RBM38: variants seen among roughly 807,000 people sequenced by gnomAD.
RBM38 encodes the protein RNA-binding protein 38.
RBM38 carries 11 observed loss-of-function variants against 23.5 expected under a neutral mutation model. The observed-to-expected ratio is 0.47, with a 90% confidence interval of 0.29 to 0.77. RBM38 has a LOEUF of 0.77. Among genes scored for constraint, RBM38 ranks in the 30% least tolerant of loss-of-function variants. The probability of loss-of-function intolerance (pLI) is 0.08; values close to 1 mark genes in which losing one functional copy is unlikely to be tolerated. For missense variants in RBM38, 330 were observed against 351.9 expected, an observed-to-expected ratio of 0.94 and a Z score of 0.50; for synonymous variants, 165 against 166.1, an observed-to-expected ratio of 0.99 and a Z score of 0.05.
rs1219143452 is a variant in RBM38 at position 57,391,895 on chromosome 20, C to T, written c.237+77C>T. ...CCCGGGCGCCGAGTCCACTCCGGGG[C>T]ACACGCCCAGACGGCCCGCTGCCGC... On this transcript the variant is annotated intron_variant, in intron 1 of 3. Transcript: ENST00000356208. 7.2e-6 allele frequency: 8 copies of T among 1,116,578 alleles called. No homozygotes were observed. In the African/African-American group the frequency reaches 1.2e-4, roughly 16 times the overall value. 69.2% of individuals were successfully genotyped at this position (1,116,578 alleles called of 1,614,324 possible). A position where few individuals can be genotyped will look rare whatever the true frequency, so the allele number is the denominator to read the frequency against.
intron 3 of RBM38, among the ~76,000 whole-genome samples, chr20:57,404,544 C>T (rs2067362419): frequency 6.6e-6 from 1 of 152,256 alleles, no homozygotes; most frequent in Non-Finnish European, 1.5e-5. Flanking sequence ...CTCCACTCGC[C>T]CCCTTCCCAA....
In RBM38 at chr20:57,407,815, C is replaced by A; in HGVS notation, c.689C>A (p.Ala230Glu). The A allele has an allele frequency of 6.3e-7, 1 of 1,585,072 alleles. No homozygotes were observed. Among genetic ancestry groups the A allele is most frequent in the South Asian group, 1.1e-5 (1 of 88,000 alleles). ...PAGTTFVQYQAPQLQPDRMQ is the reference protein window; with the variant it reads ...PAGTTFVQYQEPQLQPDRMQ ...GGCACCACTTTCGTGCAGTACCAGG[C>A]GCCGCAGCTGCAGCCTGACAGGATG... is the stretch of plus-strand genomic sequence containing the variant. The change falls in exon 4 of 4, where the codon GCG (alanine) becomes GAG (glutamate). Residue 230 changes from alanine to glutamate, a missense_variant. By Grantham distance (107) the Ala-to-Glu change is moderately radical. Around this residue, in one of 3 missense-constraint regions of RBM38, gnomAD observed 227 missense variants for 216.4 expected, o/e 1.05. Coordinates refer to ENST00000356208, the MANE Select transcript of RBM38 (RefSeq NM_017495.6). This position sits in a 1 kb window ranked among gnomAD's most constrained non-coding sequence, Gnocchi z 4.0.
At chr20:57,399,179 G>T (rs1207250979) in intron 3 of RBM38, among the ~76,000 whole-genome samples, 1 of 152,240 alleles carries the variant, frequency 6.6e-6, no homozygotes, top group Non-Finnish European at 1.5e-5. Flanking sequence ...CGACAGGGTA[G>T]CCTCAGCTCC....
intron 3 of RBM38, among the ~76,000 whole-genome samples, chr20:57,404,124 C>T (rs2067356874): frequency 6.6e-6 from 1 of 152,220 alleles, no homozygotes; most frequent in East Asian, 1.9e-4. Context: ...GCGCTCTGGC[C>T]CCGATGATGT....
intron 3 of RBM38, among the ~76,000 whole-genome samples, chr20:57,398,969 G>C (rs2067301598): frequency 6.6e-6 from 1 of 152,244 alleles, no homozygotes; most frequent in Non-Finnish European, 1.5e-5. Flanking sequence ...GGGTCAGCTT[G>C]TCTGACAGAT....
intron 3 of RBM38, 105 bp downstream of exon 3, chr20:57,393,438 C>T (rs2067241934): frequency 4.8e-6 from 6 of 1,243,326 alleles, no homozygotes; most frequent in Non-Finnish European, 5.9e-6. Context: ...AGTTTTCAGA[C>T]ATTTGATTGC....
chr20:57,394,197 C>T lies in RBM38; in HGVS notation c.416+864C>T, dbSNP rs577343164. ...CCAAATCCCTAATGCCAGTTGATCA[C>T]GTGTGTGTGCTCACGCATGTGCGCA... On this transcript the variant is annotated intron_variant, in intron 3 of 3. Coordinates refer to ENST00000356208, the MANE Select transcript of RBM38 (RefSeq NM_017495.6). 2.4e-3 allele frequency among the ~76,000 whole-genome samples: 364 copies of T among 152,280 alleles called. 2 individuals are homozygous for T. Among genetic ancestry groups the T allele is most frequent in the Non-Finnish European group, 4.1e-3 (280 of 68,034 alleles).
At chr20:57,397,551 A>G (rs1240657199) in intron 3 of RBM38, among the ~76,000 whole-genome samples, 1 of 152,214 alleles carries the variant, frequency 6.6e-6, no homozygotes, top group African/African-American at 2.4e-5. Flanking sequence ...TGGGTAGTAG[A>G]TGGCTGCCCT....
chr20:57,392,944 C>T, intron 2 of RBM38, 167 bp downstream of exon 2: 3 of 932,490 alleles, frequency 3.2e-6, no homozygotes, highest in African/African-American at 1.7e-5. Context: ...GGATCTAGAC[C>T]CCTTCTCACA....
At chr20:57,405,201 C>A (rs183891885) in intron 3 of RBM38, among the ~76,000 whole-genome samples, 58 of 152,356 alleles carry the variant, frequency 3.8e-4, no homozygotes, top group Non-Finnish European at 3.4e-4. Context: ...CTGAGCCCCC[C>A]ACTCTGGTTT....
At chr20:57,398,128 G>A (rs2067292970) in intron 3 of RBM38, among the ~76,000 whole-genome samples, 1 of 152,204 alleles carries the variant, frequency 6.6e-6, no homozygotes, top group Non-Finnish European at 1.5e-5. Context: ...GTGCCCTTGG[G>A]GGATGGAGGA....
At position 57,407,441 on chromosome 20, in the gene RBM38, G is replaced by A. The variant is rs1264793130; in HGVS notation, c.417-102G>A. 2.2e-6 allele frequency: 3 copies of A among 1,342,362 alleles called. No homozygotes were observed. Among genetic ancestry groups the A allele is most frequent in the African/African-American group, 1.5e-5 (1 of 68,170 alleles). 83.2% of individuals were successfully genotyped at this position (1,342,362 alleles called of 1,614,324 possible). On this transcript the variant is annotated intron_variant, in intron 3 of 3. Coordinates refer to ENST00000356208, the MANE Select transcript of RBM38 (RefSeq NM_017495.6). The surrounding 1 kb of genome is among the most constrained non-coding windows in gnomAD (Gnocchi z 4.0). ...CCCATCTGACCGATGAGGAAAGTCG[G>A]GGCTCGGGGTGGGGGGCGGCACGCA...
Position 57,393,341 on chromosome 20 carries a change from G to A in RBM38, c.416+8G>A. The A allele has an allele frequency of 6.2e-7, 1 of 1,613,314 alleles. No individual in the cohort carries two copies. Among genetic ancestry groups the A allele is most frequent in the Non-Finnish European group, 8.5e-7 (1 of 1,179,570 alleles). Reference sequence around the variant, plus strand: ...GATCCAGCGGACTTACGGGTGAGTGGACATGGCTGGCTTGGGGTGGGTAGT... The same window carrying A: ...GATCCAGCGGACTTACGGGTGAGTGAACATGGCTGGCTTGGGGTGGGTAGT... On this transcript the variant is annotated splice_region_variant and intron_variant, in intron 3 of 3. Transcript: ENST00000356208.
chr20:57,398,692 G>T (rs1022731163), intron 3 of RBM38, among the ~76,000 whole-genome samples: 1 of 152,236 alleles, frequency 6.6e-6, no homozygotes, highest in Non-Finnish European at 1.5e-5. Context: ...TGGGTGGCGG[G>T]GGCTCTTCTC....
chr20:57,393,622 G>T (rs1465957695), intron 3 of RBM38, among the ~76,000 whole-genome samples: 1 of 152,226 alleles, frequency 6.6e-6, no homozygotes, highest in East Asian at 1.9e-4. Context: ...AGTGGTCACA[G>T]CACATCTGAG....
chr20:57,398,859 C>T (rs916887882), intron 3 of RBM38, among the ~76,000 whole-genome samples: 9 of 152,194 alleles, frequency 5.9e-5, no homozygotes, highest in Non-Finnish European at 1.2e-4. Context: ...TCAGTTTCAC[C>T]TTGTGTCCAG....
At chr20:57,392,928 C>A (rs537573446) in intron 2 of RBM38, 151 bp downstream of exon 2, 19 of 1,063,922 alleles carry the variant, frequency 1.8e-5, no homozygotes, top group Middle Eastern at 2.2e-4. Context: ...GCCATCCCCC[C>A]CTCGAGGATC....
At chr20:57,401,243 A>T (rs1177456164) in intron 3 of RBM38, among the ~76,000 whole-genome samples, 2 of 152,154 alleles carry the variant, frequency 1.3e-5, no homozygotes, top group African/African-American at 4.8e-5. Flanking sequence ...GAAGCAATAG[A>T]TCCTCACAGC....
At chr20:57,396,734 T>G (rs987442622) in intron 3 of RBM38, among the ~76,000 whole-genome samples, 3 of 152,140 alleles carry the variant, frequency 2.0e-5, no homozygotes, top group Non-Finnish European at 4.4e-5. Flanking sequence ...CAAAAATGTC[T>G]CCAGACATTG....
Sources: allele counts gnomAD v4.1 joint callset (sites outside exome capture counted in the v4.1 genomes callset), GRCh38; gene constraint gnomAD v4.1.1; regional missense constraint gnomAD v4.1.1; non-coding constraint Gnocchi (gnomAD v3.1); transcripts MANE v1.5; gene names NCBI Gene and HGNC (gene_info 2026-07-23, HGNC 2026-07-21).